C17orf99: variants seen among roughly 807,000 people sequenced by gnomAD.
C17orf99 encodes chromosome 17 open reading frame 99.
C17orf99 carries 18 observed loss-of-function variants against 22.6 expected under a neutral mutation model. That is an observed-to-expected ratio of 0.80 (90% confidence interval 0.55 to 1.18). The LOEUF is 1.18. C17orf99 is among the 50% of genes most tolerant of loss of function. The pLI is 0.00. For missense variants in C17orf99, 328 were observed against 342.7 expected, an observed-to-expected ratio of 0.96 and a Z score of 0.34; for synonymous variants, 147 against 136.6, an observed-to-expected ratio of 1.08 and a Z score of -0.53.
chr17:78,161,297 T>C (rs1598951623), intron 3 of C17orf99, 43 bp downstream of exon 3: 4 of 1,487,150 alleles, frequency 2.7e-6, no homozygotes, highest in Non-Finnish European at 3.7e-6. Context: ...GCAGGTGGGG[T>C]GCAGATCAAT....
intron 2 of C17orf99, among the ~76,000 whole-genome samples, chr17:78,154,803 T>G (rs2075512747): frequency 6.6e-6 from 1 of 151,878 alleles, no homozygotes; most frequent in Non-Finnish European, 1.5e-5. Context: ...GATCACGACA[T>G]TGCACTCCAG....
intron 2 of C17orf99, among the ~76,000 whole-genome samples, 169 bp downstream of exon 2, chr17:78,147,080 G>A (rs1053271191): frequency 1.3e-5 from 2 of 152,202 alleles, no homozygotes; most frequent in South Asian, 2.1e-4. Context: ...CAGGGCCCTA[G>A]GAGTGATGGA....
rs544592377 is a variant in C17orf99 at position 78,146,462 on chromosome 17, G to A, written c.37+18G>A. On this transcript the variant is annotated intron_variant, in intron 1 of 4. Transcript: ENST00000340363. The surrounding 1 kb of genome is among the most constrained non-coding windows in gnomAD (Gnocchi z 5.2). ...CGTGCTGGGTGAGTCCACCAGGGAC[G>A]TGATGGTGGGGCTGCTGCTGGGGCC... is the stretch of plus-strand genomic sequence containing the variant. 11 of 1,548,900 alleles carry A rather than the reference G, an allele frequency of 7.1e-6. No homozygotes were observed. In the Admixed American group the frequency reaches 9.8e-5, roughly 14 times the overall value.
upstream of C17orf99, among the ~76,000 whole-genome samples, chr17:78,146,085 G>A (rs564343093): frequency 1.3e-5 from 2 of 152,258 alleles, no homozygotes; most frequent in African/African-American, 2.4e-5. This position sits in a 1 kb window ranked among gnomAD's most constrained non-coding sequence, Gnocchi z 5.2. Context: ...ACTGTGCCCC[G>A]CGGAGCATGG....
Position 78,165,903 on chromosome 17 carries a change from A to G in C17orf99, c.655A>G (p.Met219Val), listed in dbSNP as rs1022538805. 1 of 1,364,238 alleles carries G rather than the reference A, an allele frequency of 7.3e-7. No individual in the cohort carries two copies. Among genetic ancestry groups the G allele is most frequent in the Non-Finnish European group, 9.6e-7 (1 of 1,041,782 alleles). 84.5% of individuals were successfully genotyped at this position (1,364,238 alleles called of 1,614,324 possible). The change falls in exon 5 of 5, where the codon ATG (methionine) becomes GTG (valine). Residue 219 changes from methionine to valine, a missense_variant. Coordinates refer to ENST00000340363, the MANE Select transcript of C17orf99 (RefSeq NM_001163075.2). ...TVVPPGGDQK[M>V]EDWQGPLESP... ...GCTTTGTCAAGGTGGTGACCAGAAG[A>G]TGGAGGACTGGCAGGGTCCCCTGGA...
chr17:78,165,895 A>G lies in C17orf99; in HGVS notation c.647A>G (p.Asp216Gly). ...SALTVVPPGG[D>G]QKMEDWQGPL... ...TCTCCACTGCTTTGTCAAGGTGGTG[A>G]CCAGAAGATGGAGGACTGGCAGGGT... The change falls in exon 5 of 5, where the codon GAC becomes GGC. Residue 216 changes from aspartate to glycine, a missense_variant. Transcript: ENST00000340363. 7.4e-7 allele frequency: 1 copy of G among 1,347,410 alleles called. No individual in the cohort carries two copies. The highest frequency in any genetic ancestry group is 9.7e-7 in the Non-Finnish European group (1 of 1,032,532). The allele number at this position is 1,347,410 out of a possible 1,614,324, so 83.5% of individuals were successfully genotyped here.
At chr17:78,156,005 C>T (rs1342859855) in intron 2 of C17orf99, among the ~76,000 whole-genome samples, 2 of 151,938 alleles carry the variant, frequency 1.3e-5, no homozygotes, top group Non-Finnish European at 2.9e-5. Context: ...ATTCCAGAAA[C>T]ATTTTTGTTT....
intron 4 of C17orf99, 172 bp downstream of exon 4, chr17:78,164,536 C>A: frequency 1.3e-6 from 2 of 1,535,248 alleles, no homozygotes; most frequent in Non-Finnish European, 1.7e-6. Context: ...CTAAAGGAAG[C>A]CCAACCCAGC....
intron 2 of C17orf99, among the ~76,000 whole-genome samples, chr17:78,149,426 T>G (rs1340466493): frequency 6.6e-6 from 1 of 151,336 alleles, no homozygotes; most frequent in Non-Finnish European, 1.5e-5. Flanking sequence ...GATGGCATAT[T>G]ATGCAGCTGA....
At chr17:78,154,154 G>A (rs1302983470) in intron 2 of C17orf99, among the ~76,000 whole-genome samples, 2 of 151,696 alleles carry the variant, frequency 1.3e-5, no homozygotes, top group East Asian at 3.9e-4. Flanking sequence ...TTGAACTCCT[G>A]GCCTCAAACG....
intron 2 of C17orf99, chr17:78,157,916 C>T: frequency 8.7e-7 from 1 of 1,152,252 alleles, no homozygotes; most frequent in Non-Finnish European, 1.3e-6. Context: ...CAAGGTCCAC[C>T]TGGTTGGTAC....
In C17orf99 at chr17:78,147,834, C is replaced by T. The variant is rs543917953; in HGVS notation, c.70+923C>T. On this transcript the variant is annotated intron_variant, in intron 2 of 4. Transcript: ENST00000340363. ...TGGCTGCTAAAAAGAGAGCAGGCAG[C>T]TGGGGCTCCGGGAAGTACCTGTGCA... Among the ~76,000 whole-genome samples, 58 of 152,318 alleles carry T rather than the reference C, an allele frequency of 3.8e-4. No individual in the cohort carries two copies. In the South Asian group the frequency reaches 0.012, roughly 30 times the overall value.
At position 78,166,019 on chromosome 17, in the gene C17orf99, CAG is replaced by C; in HGVS notation, c.774_775del (p.Gly259ThrfsTer9). 1.7e-5 allele frequency: 24 copies of C among 1,428,480 alleles called. No individual in the cohort carries two copies. The highest frequency in any genetic ancestry group is 2.2e-5 in the Non-Finnish European group (24 of 1,072,168). The allele number at this position is 1,428,480 out of a possible 1,614,324, so 88.5% of individuals were successfully genotyped here. A position where few individuals can be genotyped will look rare whatever the true frequency, so the allele number is the denominator to read the frequency against. On this transcript the variant is annotated frameshift_variant, in exon 5 of 5. Transcript: ENST00000340363. LOFTEE classifies it high-confidence loss of function. ...GGFRIGNGEV[R>X]GRKAAAM ...GGTTCAGGATAGGGAATGGGGAGGT[CAG>C]AGGACGCAAAGCAGCAGCCATGTAG...
Position 78,146,969 on chromosome 17 carries a change from A to G in C17orf99, c.70+58A>G, listed in dbSNP as rs1252453524. The G allele has an allele frequency of 6.1e-6, 9 of 1,481,602 alleles. No homozygotes were observed. The highest frequency in any genetic ancestry group is 8.3e-6 in the Non-Finnish European group (9 of 1,083,636). The allele number at this position is 1,481,602 out of a possible 1,614,324, so 91.8% of individuals were successfully genotyped here. A position where few individuals can be genotyped will look rare whatever the true frequency, so the allele number is the denominator to read the frequency against. ...CCCCAGCTGGGACCCTGGTGTCAGA[A>G]CCCCCATGGTGGAGGGCGCCTCGGC... is the stretch of plus-strand genomic sequence containing the variant. On this transcript the variant is annotated intron_variant, in intron 2 of 4. Transcript: ENST00000340363. This position sits in a 1 kb window ranked among gnomAD's most constrained non-coding sequence, Gnocchi z 5.2.
At position 78,166,206 on chromosome 17, in the gene C17orf99, T is replaced by G; in HGVS notation, c.*160T>G. Reference sequence around the variant, plus strand: ...TAACTATGAGAGATGGTGGATATGTTAACTTGCTTCGCTATAGGAACCTTT... The same window carrying G: ...TAACTATGAGAGATGGTGGATATGTGAACTTGCTTCGCTATAGGAACCTTT... On this transcript the variant is annotated 3_prime_UTR_variant, in exon 5 of 5. Coordinates refer to ENST00000340363, the MANE Select transcript of C17orf99 (RefSeq NM_001163075.2). 1 of 395,370 alleles carries G rather than the reference T, an allele frequency of 2.5e-6. No individual in the cohort carries two copies. The highest frequency in any genetic ancestry group is 6.4e-4 in the Middle Eastern group (1 of 1,568). The allele number at this position is 395,370 out of a possible 1,614,324, so 24.5% of individuals were successfully genotyped here. A position where few individuals can be genotyped will look rare whatever the true frequency, so the allele number is the denominator to read the frequency against.
chr17:78,157,450 C>T, intron 2 of C17orf99: 1 of 1,307,862 alleles, frequency 7.6e-7, no homozygotes, highest in Non-Finnish European at 1.1e-6. Context: ...GACTTCGAGA[C>T]AGGAGATGCA....
intron 2 of C17orf99, among the ~76,000 whole-genome samples, chr17:78,148,087 G>GATGATA (rs1375697665): frequency 7.9e-5 from 12 of 152,122 alleles, no homozygotes; most frequent in Non-Finnish European, 1.3e-4. Flanking sequence ...TGGGGGGACA[G>GATGATA]ATGATAATAA....
intron 2 of C17orf99, among the ~76,000 whole-genome samples, chr17:78,155,138 T>TG (rs1567818708): frequency 4.8e-4 from 73 of 150,972 alleles, no homozygotes; most frequent in African/African-American, 1.6e-3. Context: ...TTTTTTTTTT[T>TG]TTTTTGTGGA....
At position 78,164,531 on chromosome 17, in the gene C17orf99, G is replaced by C. The variant is rs560674989; in HGVS notation, c.640+167G>C. ...ATGCCCACCCTGGCCCCTGCCTAAA[G>C]GAAGCCCAACCCAGCTGCCTCCGCC... On this transcript the variant is annotated intron_variant, in intron 4 of 4. Coordinates refer to ENST00000340363, the MANE Select transcript of C17orf99 (RefSeq NM_001163075.2). The C allele has an allele frequency of 1.3e-3, 2,061 of 1,535,848 alleles. 3 individuals are homozygous for C. The highest frequency in any genetic ancestry group is 1.7e-3 in the Non-Finnish European group (1,932 of 1,146,606).
Sources: gnomAD v4.1 joint callset for allele counts (sites outside exome capture counted in the v4.1 genomes callset) on GRCh38, gnomAD v4.1.1 for gene constraint, Gnocchi (gnomAD v3.1) non-coding constraint, MANE v1.5 for transcripts, NCBI Gene and HGNC (gene_info 2026-07-23, HGNC 2026-07-21) for gene names.